INTS9: variants seen among roughly 807,000 people sequenced by gnomAD.
INTS9 encodes the protein integrator complex subunit 9.
A neutral mutation model predicts 79.7 loss-of-function variants in INTS9; 55 were observed. The observed-to-expected ratio is 0.69, with a 90% CI of 0.56 to 0.86. INTS9 has a LOEUF of 0.86. Among genes scored for constraint, INTS9 ranks in the 40% least tolerant of loss-of-function variants. The pLI, the probability that INTS9 is intolerant of heterozygous loss-of-function variation, is 0.00. For synonymous variants in INTS9, 319 were observed against 325.2 expected (o/e 0.98, Z 0.20); for missense variants, 721 against 831.5 (o/e 0.87, Z 1.64).
chr8:28,806,155 C>T (rs760576086), intron 8 of INTS9, among the ~76,000 whole-genome samples: 4 of 152,066 alleles, frequency 2.6e-5, no homozygotes, highest in Admixed American at 6.6e-5. Flanking sequence ...GCTTGAACTG[C>T]GGAGGCAGAG....
chr8:28,846,935 G>C (rs1185555667), intron 3 of INTS9, 126 bp from the exon 4 acceptor site: 2 of 740,610 alleles, frequency 2.7e-6, no homozygotes, highest in African/African-American at 3.5e-5. Context: ...AGGGAAGCTG[G>C]GAGGTTATTA....
chr8:28,813,829 C>T (rs977336230), intron 6 of INTS9: 8 of 401,038 alleles, frequency 2.0e-5, no homozygotes, highest in South Asian at 1.4e-4. Context: ...GGCGCCATCT[C>T]GGCTCACTGC....
chr8:28,870,319 A>ATTTT (rs11391131), intron 1 of INTS9, among the ~76,000 whole-genome samples: 7 of 113,018 alleles, frequency 6.2e-5, no homozygotes, highest in African/African-American at 2.3e-4. Context: ...AACATTAACC[A>ATTTT]TTTTTTTTTT....
intron 6 of INTS9, among the ~76,000 whole-genome samples, chr8:28,817,839 T>G (rs201703607): frequency 7.3e-5 from 11 of 150,848 alleles, no homozygotes; most frequent in Non-Finnish European, 1.2e-4. Flanking sequence ...ATTGAGCAGT[T>G]GTTTGTAGTT....
In INTS9 at chr8:28,874,048, T is replaced by C. The variant is rs76799557; in HGVS notation, c.10-14485A>G. 6.6e-5 allele frequency among the ~76,000 whole-genome samples: 10 copies of C among 152,338 alleles called. No homozygotes were observed. The East Asian group carries it at 1.7e-3, about 26-fold the overall frequency. The stretch of plus-strand genomic sequence containing the variant: ...GTGCTAAAAAATATCTTTTCTCCTA[T>C]GTAGGTAATTCTGACTTGGAATTTG... On this transcript the variant is annotated intron_variant, in intron 1 of 16. Coordinates refer to ENST00000521022, the MANE Select transcript of INTS9 (RefSeq NM_018250.4).
chr8:28,816,484 C>CT (rs1408989916), intron 6 of INTS9, among the ~76,000 whole-genome samples: 3 of 150,102 alleles, frequency 2.0e-5, no homozygotes, highest in African/African-American at 7.5e-5. Context: ...GACATGAACT[C>CT]ATCATTTTTT....
At chr8:28,823,393 C>T (rs1323309190) in intron 6 of INTS9, among the ~76,000 whole-genome samples, 1 of 151,684 alleles carries the variant, frequency 6.6e-6, no homozygotes, top group Non-Finnish European at 1.5e-5. Flanking sequence ...CCTTGTTAAA[C>T]CCTGATCTTC....
intron 1 of INTS9, 98 bp from the exon 2 acceptor site, chr8:28,859,661 C>A (rs778904056): frequency 7.5e-6 from 10 of 1,329,134 alleles, no homozygotes; most frequent in South Asian, 1.2e-5. Flanking sequence ...TCTCATAAGA[C>A]CAGCGTGTTA....
chr8:28,844,256 CT>C (rs1807364641), intron 4 of INTS9, among the ~76,000 whole-genome samples: 1 of 152,188 alleles, frequency 6.6e-6, no homozygotes, highest in South Asian at 2.1e-4. Flanking sequence ...TAAATTTTAA[CT>C]TTTTTAGCTG....
rs149769437 is a variant in INTS9 at position 28,790,579 on chromosome 8, T to C, written c.1038-2690A>G. Among the ~76,000 whole-genome samples the C allele has an allele frequency of 7.4e-3, 1,120 of 152,290 alleles. 16 individuals are homozygous for C. The highest frequency in any genetic ancestry group is 0.025 in the African/African-American group (1,047 of 41,558). On this transcript the variant is annotated intron_variant, in intron 10 of 16. Coordinates refer to ENST00000521022, the MANE Select transcript of INTS9 (RefSeq NM_018250.4). ...CTGGCCTCAAGCAATCCTCCCGCCT[T>C]GGCCTCCTAAAGTGCTGGGATTACA...
chr8:28,796,853 G>T, intron 8 of INTS9, 198 bp from the exon 9 acceptor site: 1 of 510,136 alleles, frequency 2.0e-6, no homozygotes, highest in East Asian at 3.0e-5. Context: ...GAGGCAAGAG[G>T]GAGCTTTATA....
At position 28,852,527 on chromosome 8, in the gene INTS9, T is replaced by C. The variant is rs576893528; in HGVS notation, c.138-2254A>G. 2.0e-5 allele frequency among the ~76,000 whole-genome samples: 3 copies of C among 152,280 alleles called. No homozygotes were observed. The South Asian group carries it at 6.2e-4, about 32-fold the overall frequency. On this transcript the variant is annotated intron_variant, in intron 2 of 16. Coordinates refer to ENST00000521022, the MANE Select transcript of INTS9 (RefSeq NM_018250.4). Reference sequence around the variant, plus strand: ...CAATAAAAGTGTAATGACAAGACAATGTGGACACTGTTCTTATTTCATGCA... The same window carrying C: ...CAATAAAAGTGTAATGACAAGACAACGTGGACACTGTTCTTATTTCATGCA...
chr8:28,841,434 G>C (rs530796389), intron 4 of INTS9, among the ~76,000 whole-genome samples: 10 of 152,280 alleles, frequency 6.6e-5, no homozygotes, highest in East Asian at 5.8e-4. Context: ...CAGAAACTGG[G>C]TGAGAAAACT....
At chr8:28,836,779 T>C (rs1053734234) in intron 5 of INTS9, among the ~76,000 whole-genome samples, 16 of 152,280 alleles carry the variant, frequency 1.1e-4, no homozygotes, top group Admixed American at 8.5e-4. Flanking sequence ...GAGCCCTTCC[T>C]CAGCTCCCTA....
chr8:28,861,639 C>T (rs1381673150), intron 1 of INTS9, among the ~76,000 whole-genome samples: 1 of 152,122 alleles, frequency 6.6e-6, no homozygotes, highest in Admixed American at 6.6e-5. Flanking sequence ...ATTTAGCCAG[C>T]CACATTGAAT....
chr8:28,832,611 C>T (rs1332819671), intron 6 of INTS9, among the ~76,000 whole-genome samples: 1 of 152,178 alleles, frequency 6.6e-6, no homozygotes, highest in Non-Finnish European at 1.5e-5. Flanking sequence ...CACTCACTAG[C>T]TGTGCGACCT....
chr8:28,815,472 A>G (rs1240922647), intron 6 of INTS9, among the ~76,000 whole-genome samples: 2 of 152,220 alleles, frequency 1.3e-5, no homozygotes, highest in Non-Finnish European at 2.9e-5. Flanking sequence ...ACCTGAAGTC[A>G]GAAATGGTCT....
At chr8:28,850,357 A>G (rs538293432) in intron 2 of INTS9, 84 bp from the exon 3 acceptor site, 14 of 1,017,290 alleles carry the variant, frequency 1.4e-5, no homozygotes, top group Non-Finnish European at 1.9e-5. Context: ...GTCTCCATAA[A>G]GTTAAGAACA....
chr8:28,846,916 T>A, intron 3 of INTS9, 107 bp from the exon 4 acceptor site: 1 of 842,250 alleles, frequency 1.2e-6, no homozygotes, highest in Non-Finnish European at 2.0e-6. Context: ...CATAGACTAC[T>A]AGAGCTGGAG....
Sources: gnomAD v4.1 joint callset for allele counts (sites outside exome capture counted in the v4.1 genomes callset) on GRCh38, gnomAD v4.1.1 for gene constraint, MANE v1.5 for transcripts, NCBI Gene and HGNC (gene_info 2026-07-23, HGNC 2026-07-21) for gene names.